Variants in ATP8A1 observed in about 807,000 individuals in gnomAD.
ATP8A1 encodes the protein phospholipid-transporting ATPase IA.
ATP8A1 carries 90 observed loss-of-function variants against 177.7 expected under a neutral mutation model. That is an observed-to-expected ratio of 0.51 (90% confidence interval 0.43 to 0.60). ATP8A1 has a LOEUF of 0.60. Ranked by LOEUF, ATP8A1 falls within the 20% of genes least tolerant of loss-of-function variation. ATP8A1 has a pLI of 0.00. For synonymous variants in ATP8A1, 493 were observed against 485.9 expected (o/e 1.01, Z -0.19); for missense variants, 1,072 against 1,392.8 (o/e 0.77, Z 3.67).
rs200613613 is a variant in ATP8A1, at chr4:42,423,652, A to G, written c.3177T>C (p.Pro1059=). 2 of 1,612,714 alleles carry G rather than the reference A, an allele frequency of 1.2e-6. No homozygotes were observed. The highest frequency in any genetic ancestry group is 8.5e-7 in the Non-Finnish European group (1 of 1,179,472). ...CCACATCAAGGAGCAGAGATGCCACAGGGATGAATAACAAGCCCATCCAAA... is the reference window on the plus strand; with the variant it reads ...CCACATCAAGGAGCAGAGATGCCACGGGGATGAATAACAAGCCCATCCAAA... ...GVFWMGLLFI[P]VASLLLDVVY... The change falls in exon 34 of 37, where the codon CCT becomes CCC. Residue 1059 remains proline, a synonymous_variant. Coordinates refer to ENST00000381668, the MANE Select transcript of ATP8A1 (RefSeq NM_006095.2).
chr4:42,488,661 A>G (rs1024582914), intron 24 of ATP8A1, among the ~76,000 whole-genome samples: 3 of 152,128 alleles, frequency 2.0e-5, no homozygotes, highest in Non-Finnish European at 1.5e-5. Context: ...AAGGCTTCCT[A>G]CATTCTGAGC....
At chr4:42,438,358 C>T (rs1178512295) in intron 33 of ATP8A1, among the ~76,000 whole-genome samples, 2 of 152,076 alleles carry the variant, frequency 1.3e-5, no homozygotes, top group East Asian at 3.8e-4. Context: ...ATCAATGGGG[C>T]CCTATTATAG....
chr4:42,536,003 A>G (rs1439095879), intron 20 of ATP8A1, among the ~76,000 whole-genome samples: 3 of 152,224 alleles, frequency 2.0e-5, no homozygotes, highest in Admixed American at 6.5e-5. Context: ...GTCTACATCA[A>G]AAAGTCTGAA....
At chr4:42,611,830 A>C (rs530386103) in intron 5 of ATP8A1, among the ~76,000 whole-genome samples, 178 of 152,376 alleles carry the variant, frequency 1.2e-3, no homozygotes, top group Non-Finnish European at 2.0e-3. Flanking sequence ...AAATTTCTGC[A>C]AAGATATATT....
chr4:42,595,788 T>A (rs1734660514), intron 6 of ATP8A1, among the ~76,000 whole-genome samples: 1 of 152,232 alleles, frequency 6.6e-6, no homozygotes, highest in African/African-American at 2.4e-5. Flanking sequence ...ACTATCGTGT[T>A]AGAGTCTAAC....
chr4:42,645,937 A>T (rs1434335461), intron 1 of ATP8A1, among the ~76,000 whole-genome samples: 2 of 152,124 alleles, frequency 1.3e-5, no homozygotes, highest in Non-Finnish European at 2.9e-5. Context: ...GTTAGAGAAA[A>T]AAAAAAAAGT....
intron 2 of ATP8A1, chr4:42,626,694 G>A (rs560673400): frequency 1.2e-5 from 4 of 320,486 alleles, no homozygotes; most frequent in East Asian, 1.5e-4. Flanking sequence ...AACCAGTAAC[G>A]CATCGCTCTA....
chr4:42,590,938 G>C, intron 6 of ATP8A1, 54 bp from the exon 7 acceptor site: 2 of 1,407,204 alleles, frequency 1.4e-6, no homozygotes, highest in Non-Finnish European at 2.0e-6. Context: ...AATGAACAGA[G>C]GAAAAAAAAC....
chr4:42,425,680 G>A (rs1448360785), intron 33 of ATP8A1, among the ~76,000 whole-genome samples: 1 of 151,560 alleles, frequency 6.6e-6, no homozygotes, highest in Non-Finnish European at 1.5e-5. Context: ...CCACTCACAG[G>A]CAGGTCAGCT....
chr4:42,425,415 C>T (rs909019529), intron 33 of ATP8A1, among the ~76,000 whole-genome samples: 3 of 152,094 alleles, frequency 2.0e-5, no homozygotes, highest in South Asian at 2.1e-4. Context: ...AAATGAACAA[C>T]ATGAATTGAG....
chr4:42,590,170 A>G (rs1734018216), intron 7 of ATP8A1, among the ~76,000 whole-genome samples: 1 of 152,244 alleles, frequency 6.6e-6, no homozygotes, highest in African/African-American at 2.4e-5. Flanking sequence ...AACAAGATGC[A>G]TATCACAATA....
rs16854470 is a variant in ATP8A1, at chr4:42,522,039, G to A, written c.1947+121C>T. 1,924 of 1,065,762 alleles carry A rather than the reference G, an allele frequency of 1.8e-3. 24 individuals carry two copies. In the African/African-American group the frequency reaches 0.027, roughly 15 times the overall value. 66.0% of individuals were successfully genotyped at this position (1,065,762 alleles called of 1,614,324 possible). A position where few individuals can be genotyped will look rare whatever the true frequency, so the allele number is the denominator to read the frequency against. ...TTGTTAATGCTTAGATGATGAGAGG[G>A]TATTCAATAGTGAATGGTATGTCAA... On this transcript the variant is annotated intron_variant, in intron 22 of 36. Coordinates refer to ENST00000381668, the MANE Select transcript of ATP8A1 (RefSeq NM_006095.2).
intron 1 of ATP8A1, among the ~76,000 whole-genome samples, chr4:42,633,010 TA>T (rs909539743): frequency 7.9e-5 from 12 of 152,060 alleles, no homozygotes; most frequent in Non-Finnish European, 1.5e-4. Context: ...AAAAACAAAG[TA>T]AAAAAAATTT....
chr4:42,637,557 T>C (rs1187966483), intron 1 of ATP8A1, among the ~76,000 whole-genome samples: 2 of 152,032 alleles, frequency 1.3e-5, no homozygotes, highest in Admixed American at 6.6e-5. Flanking sequence ...TTTAAAAGAG[T>C]TCTAAAAATG....
chr4:42,616,807 TA>T (rs1359309529), intron 4 of ATP8A1, among the ~76,000 whole-genome samples: 1 of 152,186 alleles, frequency 6.6e-6, no homozygotes, highest in Non-Finnish European at 1.5e-5. Flanking sequence ...TAGCAGTGGG[TA>T]AGAAGAAGAA....
chr4:42,628,746 C>T (rs1477025683), intron 1 of ATP8A1, among the ~76,000 whole-genome samples: 1 of 151,986 alleles, frequency 6.6e-6, no homozygotes, highest in East Asian at 1.9e-4. Flanking sequence ...AAATTGAGTC[C>T]TTTATTAGGT....
rs189606277 is a variant in ATP8A1, at chr4:42,472,504, T to G, written c.2325-7428A>C. The G allele has an allele frequency of 7.7e-3, 1,976 of 257,788 alleles. 25 individuals carry two copies. The highest frequency in any genetic ancestry group is 8.2e-3 in the Non-Finnish European group (1,070 of 130,918). 16.0% of individuals were successfully genotyped at this position (257,788 alleles called of 1,614,324 possible). ...TGGCTCACGCCTGTAATCCCAGCAC[T>G]TTGGGAAGCCGAGGTGGGCGGATCA... is the stretch of plus-strand genomic sequence containing the variant. On this transcript the variant is annotated intron_variant, in intron 25 of 36. Transcript: ENST00000381668.
intron 15 of ATP8A1, among the ~76,000 whole-genome samples, chr4:42,563,684 C>T (rs1195664097): frequency 6.6e-6 from 1 of 152,154 alleles, no homozygotes; most frequent in Non-Finnish European, 1.5e-5. Flanking sequence ...GGACTTGGTG[C>T]CCTGTGTCAC....
At chr4:42,638,307 T>C (rs1739593004) in intron 1 of ATP8A1, among the ~76,000 whole-genome samples, 1 of 152,212 alleles carries the variant, frequency 6.6e-6, no homozygotes, top group Non-Finnish European at 1.5e-5. Flanking sequence ...GCAGTTATTG[T>C]CTAAAAAAGG....
Sources: allele counts gnomAD v4.1 joint callset (sites outside exome capture counted in the v4.1 genomes callset), GRCh38; gene constraint gnomAD v4.1.1; transcripts MANE v1.5; gene names NCBI Gene and HGNC (gene_info 2026-07-23, HGNC 2026-07-21).